The following CP variants were observed in gnomAD, a reference collection of about 807,000 sequenced individuals.
The protein encoded by CP is caeruloplasmin.
CP carries 64 observed loss-of-function variants against 122.4 expected under a neutral mutation model. The observed-to-expected ratio is 0.52, with a 90% confidence interval of 0.43 to 0.64. The LOEUF (loss-of-function observed/expected upper bound fraction) is 0.64. Ranked by LOEUF, CP falls within the 30% of genes least tolerant of loss-of-function variation. The probability of loss-of-function intolerance (pLI) is 0.00; values close to 1 mark genes in which losing one functional copy is unlikely to be tolerated. For missense variants in CP, 1,167 were observed against 1,284.4 expected (o/e 0.91, Z 1.40); for synonymous variants, 440 against 436.4 (o/e 1.01, Z -0.10).
At chr3:149,203,131 C>G (rs1009520662) in intron 6 of CP, among the ~76,000 whole-genome samples, 3 of 152,152 alleles carry the variant, frequency 2.0e-5, no homozygotes, top group African/African-American at 7.2e-5. Context: ...TGGTCTCGAT[C>G]TCCTGACCTC....
In CP at chr3:149,180,306, A is replaced by G. The variant is rs137882986; in HGVS notation, c.2555-644T>C. The stretch of plus-strand genomic sequence containing the variant: ...GTCACTACTCCCACATACAGGACAT[A>G]ACCACACCCTCGGCCTTGGCATTTT... On this transcript the variant is annotated intron_variant, in intron 14 of 18. Transcript: ENST00000264613. 5.4e-4 allele frequency among the ~76,000 whole-genome samples: 82 copies of G among 152,290 alleles called. No homozygotes were observed. The East Asian group carries it at 0.011, about 20-fold the overall frequency.
chr3:149,194,614 T>TA (rs35132881), intron 9 of CP, among the ~76,000 whole-genome samples: 112,602 of 151,326 alleles, frequency 0.74, 45,560 homozygotes, highest in East Asian at 1. Flanking sequence ...AGCGTAATCT[T>TA]AAAAAAAAAT....
intron 5 of CP, among the ~76,000 whole-genome samples, chr3:149,164,817 A>G (rs913202003): frequency 2.0e-5 from 3 of 152,186 alleles, no homozygotes; most frequent in Admixed American, 6.5e-5. Context: ...CCTGACCCAA[A>G]TGCTGAGTGT....
chr3:149,216,941 C>A (rs1236915392), intron 1 of CP, among the ~76,000 whole-genome samples: 2 of 148,864 alleles, frequency 1.3e-5, no homozygotes, highest in Non-Finnish European at 3.0e-5. Context: ...TGCTCTGTCG[C>A]CCAGGCTATA....
chr3:149,162,446 C>A (rs1005399661), exon 6 of CP: 19 of 968,766 alleles, frequency 2.0e-5, no homozygotes, highest in Non-Finnish European at 2.6e-5. Flanking sequence ...AAAAAACAGA[C>A]ATACATAATC....
chr3:149,164,014 G>A (rs1310183501), intron 5 of CP: 1 of 840,138 alleles, frequency 1.2e-6, no homozygotes, highest in Non-Finnish European at 2.0e-6. Context: ...GATTAAATTT[G>A]CTGAGACCCC....
intron 14 of CP, among the ~76,000 whole-genome samples, chr3:149,181,494 T>C (rs948794255): frequency 6.6e-6 from 1 of 152,174 alleles, no homozygotes; most frequent in Non-Finnish European, 1.5e-5. Context: ...AAGAAAAATA[T>C]GGTTCTTATT....
In CP at chr3:149,178,324, A is replaced by T. The variant is rs2108215916; in HGVS notation, c.2878+91T>A. The T allele has an allele frequency of 1.5e-5, 16 of 1,074,666 alleles. No individual in the cohort carries two copies. In the South Asian group the frequency reaches 2.2e-4, roughly 15 times the overall value. 66.6% of individuals were successfully genotyped at this position (1,074,666 alleles called of 1,614,324 possible). On this transcript the variant is annotated intron_variant, in intron 16 of 18. Coordinates refer to ENST00000264613, the MANE Select transcript of CP (RefSeq NM_000096.4). ...TGAGGCAGAAGTGGTTTATTTTAAG[A>T]CAAAACAAATGAATGGTCTCCAAAA...
At chr3:149,176,218 A>G (rs1007447209) in intron 18 of CP, 32 bp downstream of exon 18, 13 of 1,601,050 alleles carry the variant, frequency 8.1e-6, no homozygotes, top group South Asian at 2.2e-5. Flanking sequence ...TCTTTTATAT[A>G]TGGCTTCTAG....
At position 149,188,097 on chromosome 3, in the gene CP, C is replaced by T. The variant is rs1158598597; in HGVS notation, c.1819G>A (p.Val607Met). ...IRMFTTAPDQ[V>M]DKEDEDFQES... ...TGAAAGTCTTCATCTTCCTTATCCA[C>T]CTGATCAGGTGCAGTTGTAAACATT... The change falls in exon 10 of 19, where the codon GTG becomes ATG. Residue 607 changes from valine to methionine, a missense_variant. Val to Met is a conservative substitution (Grantham distance 21). This residue lies in a region of CP where 525 missense variants were observed against 657.2 expected (regional missense o/e 0.80). Transcript: ENST00000264613. 5 of 1,612,358 alleles carry T rather than the reference C, an allele frequency of 3.1e-6. No homozygotes were observed. The highest frequency in any genetic ancestry group is 4.2e-6 in the Non-Finnish European group (5 of 1,179,876).
intron 1 of CP, among the ~76,000 whole-genome samples, chr3:149,213,631 GGTGT>G (rs71135672): frequency 0.4 from 56,789 of 143,424 alleles, 11,223 homozygotes; most frequent in Middle Eastern, 0.49. Context: ...CATCATCATG[GGTGT>G]GTGTGTGTGT....
At chr3:149,191,542 G>A (rs1726551077) in intron 9 of CP, among the ~76,000 whole-genome samples, 1 of 140,256 alleles carries the variant, frequency 7.1e-6, no homozygotes, top group African/African-American at 3.3e-5. Context: ...AAACAGAGAT[G>A]TTCTCATTAA....
At chr3:149,179,064 A>G (rs535135443) in intron 15 of CP, among the ~76,000 whole-genome samples, 2 of 152,330 alleles carry the variant, frequency 1.3e-5, no homozygotes, top group South Asian at 4.1e-4. Flanking sequence ...GAGCCAGAAC[A>G]CTGAATTATC....
At position 149,198,530 on chromosome 3, in the gene CP, T is replaced by C. The variant is rs146435990; in HGVS notation, c.1550A>G (p.Tyr517Cys). ...SHVAPTETFT[Y>C]EWTVPKEVGP... ...TACTTCTTTGGGGACAGTCCATTCA[T>C]AGGTGAATGTTTCTGTGGGTGCCAC... The change falls in exon 9 of 19, where the codon TAT becomes TGT. Residue 517 changes from tyrosine (Y) to cysteine (C), a missense_variant. Tyr to Cys is a radical substitution (Grantham distance 194). Transcript: ENST00000264613. The C allele has an allele frequency of 2.5e-5, 41 of 1,614,022 alleles. No homozygotes were observed.
intron 9 of CP, 102 bp from the exon 10 acceptor site, chr3:149,188,304 G>A: frequency 1.0e-6 from 1 of 984,448 alleles, no homozygotes; most frequent in Non-Finnish European, 1.5e-6. Context: ...AGGAAAGAAT[G>A]AGAACAGAAG....
chr3:149,199,833 G>A lies in CP; in HGVS notation c.1380C>T (p.Thr460=), dbSNP rs149790356. 1.4e-5 allele frequency: 23 copies of A among 1,613,954 alleles called. No individual in the cohort carries two copies. Among genetic ancestry groups the A allele is most frequent in the Non-Finnish European group, 1.9e-5 (22 of 1,179,990 alleles). Residue 460 remains threonine, a synonymous_variant, in exon 8 of 19, where the codon ACC becomes ACT. Coordinates refer to ENST00000264613, the MANE Select transcript of CP (RefSeq NM_000096.4). ...GPVIWAEVGD[T]IRVTFHNKGA... ...CTTTGTTATGGAAGGTTACTCTGAT[G>A]GTGTCTCCCACCTCTGCCCAAATGA...
intron 9 of CP, among the ~76,000 whole-genome samples, chr3:149,193,570 A>G (rs1432245089): frequency 6.6e-6 from 1 of 152,152 alleles, no homozygotes; most frequent in African/African-American, 2.4e-5. Flanking sequence ...CATAATTTTC[A>G]CAGTGTTCAT....
At chr3:149,200,357 A>G (rs1485180501) in intron 7 of CP, among the ~76,000 whole-genome samples, 1 of 152,188 alleles carries the variant, frequency 6.6e-6, no homozygotes, top group African/African-American at 2.4e-5. Context: ...TATTTTATGT[A>G]ATATACAAAA....
Position 149,209,392 on chromosome 3 carries a change from T to G in CP, c.608-8A>C, listed in dbSNP as rs1244477608. ...TTTCTTTATCTAGAGAATCTGGAGTTAAAGTTACTATTTTAGCAAGACTAA... is the reference window on the plus strand; with the variant it reads ...TTTCTTTATCTAGAGAATCTGGAGTGAAAGTTACTATTTTAGCAAGACTAA... On this transcript the variant is annotated splice_region_variant and splice_polypyrimidine_tract_variant and intron_variant, in intron 3 of 18. Coordinates refer to ENST00000264613, the MANE Select transcript of CP (RefSeq NM_000096.4). 1 of 1,611,762 alleles carries G rather than the reference T, an allele frequency of 6.2e-7. No individual in the cohort carries two copies. The highest frequency in any genetic ancestry group is 8.5e-7 in the Non-Finnish European group (1 of 1,178,252).
Sources: allele counts gnomAD v4.1 joint callset (sites outside exome capture counted in the v4.1 genomes callset), GRCh38; gene constraint gnomAD v4.1.1; regional missense constraint gnomAD v4.1.1; transcripts MANE v1.5; gene names NCBI Gene and HGNC (gene_info 2026-07-23, HGNC 2026-07-21).